Variants in CAMTA1 observed in about 807,000 individuals in gnomAD.
CAMTA1 encodes calmodulin-binding transcription activator 1.
CAMTA1 carries 27 observed loss-of-function variants against 170.9 expected under a neutral mutation model. The observed-to-expected ratio is 0.16, with a 90% CI of 0.12 to 0.22. The LOEUF (loss-of-function observed/expected upper bound fraction) is 0.22. CAMTA1 is among the 10% of genes least tolerant of loss of function. The pLI is 1.00. For missense variants in CAMTA1, 1,619 were observed against 2,217.2 expected (o/e 0.73, Z 5.42); for synonymous variants, 833 against 891.5 (o/e 0.93, Z 1.17).
chr1:7,498,589 G>T (rs1381451696), intron 6 of CAMTA1, among the ~76,000 whole-genome samples: 1 of 152,094 alleles, frequency 6.6e-6, no homozygotes, highest in African/African-American at 2.4e-5. Context: ...GTGCATGTGT[G>T]TGTACGTGTG....
At chr1:7,746,226 C>T in intron 18 of CAMTA1, 135 bp downstream of exon 18, 1 of 951,300 alleles carries the variant, frequency 1.1e-6, no homozygotes, top group South Asian at 1.7e-5. Context: ...TTGGAAGTCT[C>T]CAATTTATTA....
At chr1:7,159,955 A>C (rs781742086) in intron 4 of CAMTA1, among the ~76,000 whole-genome samples, 3 of 152,140 alleles carry the variant, frequency 2.0e-5, no homozygotes, top group Non-Finnish European at 2.9e-5. Context: ...TCAGTAAAAA[A>C]CTTAGCTGTG....
At chr1:7,391,478 C>T (rs2088708441) in intron 5 of CAMTA1, among the ~76,000 whole-genome samples, 1 of 152,100 alleles carries the variant, frequency 6.6e-6, no homozygotes, top group African/African-American at 2.4e-5. Context: ...CTAAGGGGCG[C>T]TTGGTGTCCC....
chr1:7,545,152 C>G (rs1235773642), intron 6 of CAMTA1, among the ~76,000 whole-genome samples: 1 of 152,162 alleles, frequency 6.6e-6, no homozygotes, highest in Admixed American at 6.5e-5. Context: ...TTTGTTTCTT[C>G]TTTGAATTTC....
At chr1:6,921,990 T>C (rs1682120475) in intron 3 of CAMTA1, among the ~76,000 whole-genome samples, 1 of 152,186 alleles carries the variant, frequency 6.6e-6, no homozygotes. Flanking sequence ...AAAAGCCAGT[T>C]GTCAGCTACT....
At position 6,839,281 on chromosome 1, in the gene CAMTA1, C is replaced by T. The variant is rs544686453; in HGVS notation, c.234+14071C>T. On this transcript the variant is annotated intron_variant, in intron 3 of 22. Coordinates refer to ENST00000303635, the MANE Select transcript of CAMTA1 (RefSeq NM_015215.4). Reference sequence around the variant, plus strand: ...CCTGTAATCCCAGCTACTCGGGAGGCTGAGGCAGGAGAATCACTTGAACCC... The same window carrying T: ...CCTGTAATCCCAGCTACTCGGGAGGTTGAGGCAGGAGAATCACTTGAACCC... Among the ~76,000 whole-genome samples, 115 of 152,124 alleles carry T rather than the reference C, an allele frequency of 7.6e-4. 2 individuals are homozygous for T. The South Asian group carries it at 0.019, about 25-fold the overall frequency.
intron 11 of CAMTA1, among the ~76,000 whole-genome samples, chr1:7,728,375 G>A (rs184504242): frequency 1.4e-4 from 21 of 152,374 alleles, no homozygotes; most frequent in Admixed American, 5.2e-4. Flanking sequence ...AGGCAGGCTC[G>A]CTCCAGGCTG....
intron 5 of CAMTA1, among the ~76,000 whole-genome samples, chr1:7,444,855 A>G (rs1479161400): frequency 6.6e-6 from 1 of 152,252 alleles, no homozygotes; most frequent in Non-Finnish European, 1.5e-5. Flanking sequence ...AGACTTGTTC[A>G]ACAAGCAATT....
intron 5 of CAMTA1, among the ~76,000 whole-genome samples, chr1:7,360,225 G>T (rs1269067567): frequency 6.6e-6 from 1 of 152,166 alleles, no homozygotes; most frequent in African/African-American, 2.4e-5. Context: ...AGATACTGGA[G>T]GTTAGGACTT....
chr1:7,713,839 G>A (rs1304283543), intron 11 of CAMTA1, among the ~76,000 whole-genome samples: 2 of 152,152 alleles, frequency 1.3e-5, no homozygotes, highest in Non-Finnish European at 2.9e-5. Context: ...AAGAATTGTT[G>A]TTAAGGGCTC....
At chr1:7,153,016 AGAAAAC>A (rs1346924317) in intron 4 of CAMTA1, among the ~76,000 whole-genome samples, 1 of 152,254 alleles carries the variant, frequency 6.6e-6, no homozygotes, top group Non-Finnish European at 1.5e-5. Flanking sequence ...CATCAGCAGC[AGAAAAC>A]GCCAGAGCCT....
At chr1:7,731,571 CAAAAAA>C (rs536530455) in intron 11 of CAMTA1, among the ~76,000 whole-genome samples, 1 of 87,026 alleles carries the variant, frequency 1.1e-5, no homozygotes, top group African/African-American at 4.3e-5. Flanking sequence ...CACTCTGTCT[CAAAAAA>C]AAAAAAAAAA....
At chr1:7,677,083 C>G (rs369497912) in intron 10 of CAMTA1, among the ~76,000 whole-genome samples, 73 of 152,288 alleles carry the variant, frequency 4.8e-4, no homozygotes, top group African/African-American at 1.7e-3. Flanking sequence ...AGAGGCACAT[C>G]TGAAGCTCCT....
At chr1:7,564,567 C>T (rs1216906174) in intron 6 of CAMTA1, among the ~76,000 whole-genome samples, 1 of 152,184 alleles carries the variant, frequency 6.6e-6, no homozygotes, top group Non-Finnish European at 1.5e-5. Flanking sequence ...GTTGCCTGTG[C>T]ATGCCTGCGT....
intron 5 of CAMTA1, among the ~76,000 whole-genome samples, chr1:7,418,083 C>T (rs1269627925): frequency 7.0e-6 from 1 of 142,334 alleles, no homozygotes; most frequent in African/African-American, 2.6e-5. Flanking sequence ...TCCAAGACAC[C>T]ACCTTCTCCC....
intron 3 of CAMTA1, among the ~76,000 whole-genome samples, chr1:6,919,037 C>T (rs565282195): frequency 2.6e-5 from 4 of 152,282 alleles, no homozygotes; most frequent in African/African-American, 7.2e-5. Flanking sequence ...TTTGGGCTGG[C>T]GTCTTTCTGT....
chr1:7,429,289 G>A (rs1444242072), intron 5 of CAMTA1, among the ~76,000 whole-genome samples: 1 of 152,206 alleles, frequency 6.6e-6, no homozygotes, highest in Admixed American at 6.5e-5. Flanking sequence ...TTAGCATAGT[G>A]CACGGCATAT....
chr1:7,400,133 C>T (rs1221020188), intron 5 of CAMTA1, among the ~76,000 whole-genome samples: 1 of 152,184 alleles, frequency 6.6e-6, no homozygotes, highest in Non-Finnish European at 1.5e-5. Flanking sequence ...TTAATTGTGT[C>T]CCACAAGTCC....
intron 5 of CAMTA1, among the ~76,000 whole-genome samples, chr1:7,432,167 G>A (rs976140263): frequency 1.1e-4 from 16 of 152,202 alleles, no homozygotes; most frequent in African/African-American, 3.4e-4. Flanking sequence ...TGTGAGAACC[G>A]CTGTTGGCTG....
Sources: gnomAD v4.1 joint callset for allele counts (sites outside exome capture counted in the v4.1 genomes callset) on GRCh38, gnomAD v4.1.1 for gene constraint, MANE v1.5 for transcripts, NCBI Gene and HGNC (gene_info 2026-07-23, HGNC 2026-07-21) for gene names.